Variants in JARID2 observed in about 807,000 individuals in gnomAD.
The protein encoded by JARID2 is protein Jumonji.
Under a neutral mutation model 125.6 loss-of-function variants are expected in JARID2, and 21 were observed. The ratio of observed to expected loss-of-function variants is 0.17; its 90% confidence interval spans 0.12 to 0.24. The LOEUF (loss-of-function observed/expected upper bound fraction) is 0.24. Among genes scored for constraint, JARID2 ranks in the 10% least tolerant of loss-of-function variants. The probability of loss-of-function intolerance (pLI) is 1.00; values close to 1 mark genes in which losing one functional copy is unlikely to be tolerated. For synonymous variants in JARID2, 736 were observed against 661.6 expected, an observed-to-expected ratio of 1.11 and a Z score of -1.73; for missense variants, 1,303 against 1,639.6, an observed-to-expected ratio of 0.79 and a Z score of 3.55.
chr6:15,499,713 G>A (rs556668076), intron 7 of JARID2, among the ~76,000 whole-genome samples: 2 of 152,226 alleles, frequency 1.3e-5, no homozygotes, highest in South Asian at 4.1e-4. Flanking sequence ...GGTCCCTCCT[G>A]TCGAGGCTGG....
chr6:15,389,363 T>A (rs1349433273), intron 2 of JARID2, among the ~76,000 whole-genome samples: 1 of 152,196 alleles, frequency 6.6e-6, no homozygotes, highest in Non-Finnish European at 1.5e-5. Flanking sequence ...GTCACTGTAT[T>A]GCCCAGGCTG....
chr6:15,364,677 A>G (rs927714977), intron 1 of JARID2, among the ~76,000 whole-genome samples: 1 of 152,214 alleles, frequency 6.6e-6, no homozygotes, highest in African/African-American at 2.4e-5. Flanking sequence ...GGAGTAACAC[A>G]TAAGGCACAT....
chr6:15,454,622 C>T (rs964737928), intron 4 of JARID2, among the ~76,000 whole-genome samples: 1 of 151,094 alleles, frequency 6.6e-6, no homozygotes, highest in Non-Finnish European at 1.5e-5. Flanking sequence ...GACCTACAGG[C>T]GCAGGCAACC....
intron 1 of JARID2, among the ~76,000 whole-genome samples, chr6:15,319,366 G>T (rs78140210): frequency 2.1e-4 from 32 of 152,202 alleles, no homozygotes; most frequent in African/African-American, 7.2e-4. Flanking sequence ...GCCATTTTGT[G>T]TCTGAGTGAC....
chr6:15,483,287 T>C (rs1166572357), intron 5 of JARID2, among the ~76,000 whole-genome samples: 3 of 152,162 alleles, frequency 2.0e-5, no homozygotes, highest in Non-Finnish European at 4.4e-5. Context: ...TTATGTGTAA[T>C]AGCATCTTGT....
At chr6:15,400,507 G>A (rs115757707) in intron 2 of JARID2, among the ~76,000 whole-genome samples, 4 of 151,998 alleles carry the variant, frequency 2.6e-5, no homozygotes, top group Non-Finnish European at 5.9e-5. Flanking sequence ...TGGGGTGGGG[G>A]CATCTGACCG....
chr6:15,353,049 C>G (rs1013610760), intron 1 of JARID2, among the ~76,000 whole-genome samples: 3 of 152,104 alleles, frequency 2.0e-5, no homozygotes, highest in Non-Finnish European at 4.4e-5. Context: ...CTGTTTTTCA[C>G]TTTTGGGTGT....
In JARID2 at chr6:15,504,567, A is replaced by G; in HGVS notation, c.2516A>G (p.Lys839Arg). The part of the protein sequence containing the change: ...ARNIMSMCFS[K>R]EPAPAEIEQE... ...AATATCATGAGCATGTGTTTCAGCA[A>G]GGAGCCTGCCCCAGCCGAAATCGAG... Residue 839 changes from lysine (K) to arginine (R), a missense_variant, in exon 9 of 18, where the codon AAG becomes AGG. Physicochemically the swap from Lys to Arg is conservative, Grantham distance 26. Coordinates refer to ENST00000341776, the MANE Select transcript of JARID2 (RefSeq NM_004973.4). 2 of 1,614,044 alleles carry G rather than the reference A, an allele frequency of 1.2e-6. No individual in the cohort carries two copies. Among genetic ancestry groups the G allele is most frequent in the Non-Finnish European group, 1.7e-6 (2 of 1,179,906 alleles).
intron 1 of JARID2, among the ~76,000 whole-genome samples, chr6:15,258,827 A>G (rs1759766329): frequency 6.6e-6 from 1 of 152,182 alleles, no homozygotes; most frequent in Non-Finnish European, 1.5e-5. Flanking sequence ...TATTTAGACC[A>G]TGTTATTATA....
At position 15,406,622 on chromosome 6, in the gene JARID2, T is replaced by C. The variant is rs74997847; in HGVS notation, c.182-3602T>C. Among the ~76,000 whole-genome samples the C allele has an allele frequency of 3.9e-5, 6 of 152,332 alleles. No individual in the cohort carries two copies. The East Asian group carries it at 1.2e-3, about 29-fold the overall frequency. On this transcript the variant is annotated intron_variant, in intron 2 of 17. Coordinates refer to ENST00000341776, the MANE Select transcript of JARID2 (RefSeq NM_004973.4). ...TTAGTTAGATAAGGGCCTGGAACAA[T>C]GGAGTCAGTACTTTGATTTCTTTTT...
At chr6:15,263,460 AT>A (rs1482961588) in intron 1 of JARID2, among the ~76,000 whole-genome samples, 1 of 152,138 alleles carries the variant, frequency 6.6e-6, no homozygotes, top group African/African-American at 2.4e-5. Flanking sequence ...AATGAACTCC[AT>A]TAAGAAATAG....
At chr6:15,475,021 C>G (rs541260269) in intron 5 of JARID2, among the ~76,000 whole-genome samples, 12 of 152,308 alleles carry the variant, frequency 7.9e-5, no homozygotes, top group African/African-American at 2.4e-4. Flanking sequence ...CTGGGATCAC[C>G]TAGAGCTTTG....
intron 2 of JARID2, among the ~76,000 whole-genome samples, chr6:15,405,960 G>A (rs1225441420): frequency 6.6e-6 from 1 of 152,132 alleles, no homozygotes; most frequent in Admixed American, 6.5e-5. Flanking sequence ...GTGGAGATTG[G>A]TCGCCAGCGG....
At chr6:15,403,871 C>G (rs1765540894) in intron 2 of JARID2, among the ~76,000 whole-genome samples, 1 of 152,130 alleles carries the variant, frequency 6.6e-6, no homozygotes, top group Non-Finnish European at 1.5e-5. Flanking sequence ...CCTCCCCATT[C>G]CTGCCTCCAA....
intron 1 of JARID2, among the ~76,000 whole-genome samples, chr6:15,279,855 C>G (rs892462609): frequency 6.6e-6 from 1 of 152,280 alleles, no homozygotes; most frequent in African/African-American, 2.4e-5. Flanking sequence ...AATCAGTCTC[C>G]TGGCACTTAG....
chr6:15,428,936 C>CCCT (rs1766849482), intron 3 of JARID2, among the ~76,000 whole-genome samples: 1 of 146,366 alleles, frequency 6.8e-6, no homozygotes, highest in African/African-American at 2.6e-5. Context: ...ACAAACCCCC[C>CCCT]CCCCAAAAAA....
chr6:15,286,176 A>G (rs1022802319), intron 1 of JARID2, among the ~76,000 whole-genome samples: 4 of 152,164 alleles, frequency 2.6e-5, no homozygotes, highest in Admixed American at 6.5e-5. Context: ...AACAACAGAA[A>G]TGCTTTCTTT....
chr6:15,276,026 T>A (rs9476814), intron 1 of JARID2, among the ~76,000 whole-genome samples: 190 of 152,306 alleles, frequency 1.2e-3, no homozygotes, highest in African/African-American at 4.5e-3. Flanking sequence ...AGAAAAAGAC[T>A]GCCTTAATTT....
intron 2 of JARID2, among the ~76,000 whole-genome samples, chr6:15,398,376 C>T (rs891799497): frequency 3.9e-5 from 6 of 152,170 alleles, no homozygotes; most frequent in South Asian, 2.1e-4. Flanking sequence ...CCAGTCTTTC[C>T]GCCCTCTGCT....
Sources: gnomAD v4.1 joint callset for allele counts (sites outside exome capture counted in the v4.1 genomes callset) on GRCh38, gnomAD v4.1.1 for gene constraint, MANE v1.5 for transcripts, NCBI Gene and HGNC (gene_info 2026-07-23, HGNC 2026-07-21) for gene names.